SLC38A12: variants seen among roughly 807,000 people sequenced by gnomAD.
SLC38A12 encodes the protein solute carrier family 38 member 12, also known as putative sodium-coupled neutral amino acid transporter 12.
the SLC38A12 span, among the ~76,000 whole-genome samples, chr17:74,833,017 C>CTTGT: frequency 1.4e-3 from 207 of 151,798 alleles, 1 homozygote; most frequent in South Asian, 6.6e-3. Flanking sequence ...ATATCCGTGG[C>CTTGT]TTGTTTGTTT....
the SLC38A12 span, among the ~76,000 whole-genome samples, chr17:74,799,236 A>G: frequency 6.6e-5 from 10 of 152,374 alleles, no homozygotes; most frequent in Middle Eastern, 3.4e-3. Context: ...AGCAAGCGGC[A>G]TCTACCGCTC....
chr17:74,790,172 C>T, the SLC38A12 span: 4 of 1,583,210 alleles, frequency 2.5e-6, no homozygotes, highest in South Asian at 1.1e-5. Context: ...TTTCCTCCCT[C>T]CTCCTCGTCC....
the SLC38A12 span, among the ~76,000 whole-genome samples, chr17:74,831,677 G>A: frequency 3.3e-5 from 5 of 152,232 alleles, no homozygotes; most frequent in African/African-American, 4.8e-5. Context: ...CCTGTGATAG[G>A]CTCTTGGGGA....
chr17:74,808,284 G>A, the SLC38A12 span, among the ~76,000 whole-genome samples: 1 of 152,270 alleles, frequency 6.6e-6, no homozygotes, highest in Non-Finnish European at 1.5e-5. Context: ...AAAGGAGACA[G>A]TTGAGTGCTC....
chr17:74,801,531 A>G, the SLC38A12 span, among the ~76,000 whole-genome samples: 3 of 151,940 alleles, frequency 2.0e-5, no homozygotes, highest in East Asian at 5.8e-4. Context: ...TGCATGTGCC[A>G]GGTCCTGTTT....
At chr17:74,812,365 G>C in the SLC38A12 span, among the ~76,000 whole-genome samples, 1 of 152,156 alleles carries the variant, frequency 6.6e-6, no homozygotes, top group African/African-American at 2.4e-5. Context: ...TGAATCCCCA[G>C]ATACTGTAAT....
the SLC38A12 span, among the ~76,000 whole-genome samples, chr17:74,783,833 C>T: frequency 1.4e-5 from 2 of 146,554 alleles, no homozygotes; most frequent in African/African-American, 2.6e-5. Flanking sequence ...CGGGTTCAAG[C>T]GATCCCCCTG....
chr17:74,826,862 G>A, the SLC38A12 span, among the ~76,000 whole-genome samples: 35 of 152,320 alleles, frequency 2.3e-4, no homozygotes, highest in Non-Finnish European at 4.6e-4. Flanking sequence ...AAAGATGCTG[G>A]CGGTGGTGGG....
chr17:74,803,247 G>A, the SLC38A12 span, among the ~76,000 whole-genome samples: 2 of 152,146 alleles, frequency 1.3e-5, no homozygotes, highest in African/African-American at 2.4e-5. Context: ...GGAGATATCC[G>A]TGTATTCATA....
chr17:74,824,575 C>T, the SLC38A12 span, among the ~76,000 whole-genome samples: 6 of 152,182 alleles, frequency 3.9e-5, no homozygotes, highest in South Asian at 2.1e-4. Flanking sequence ...TGGTGCGGGG[C>T]GCCCCATTTG....
At chr17:74,785,109 C>T in the SLC38A12 span, among the ~76,000 whole-genome samples, 3 of 152,258 alleles carry the variant, frequency 2.0e-5, no homozygotes, top group African/African-American at 7.2e-5. Context: ...CAGCATTATG[C>T]GCTCACCTTT....
the SLC38A12 span, among the ~76,000 whole-genome samples, chr17:74,798,667 C>G: frequency 1.3e-5 from 2 of 152,236 alleles, no homozygotes; most frequent in African/African-American, 4.8e-5. Flanking sequence ...CAGCGGTGAC[C>G]TCAGCCCTGT....
the SLC38A12 span, among the ~76,000 whole-genome samples, chr17:74,815,943 T>C: frequency 3.3e-5 from 5 of 152,162 alleles, no homozygotes; most frequent in African/African-American, 1.2e-4. Context: ...AGCCACGTCC[T>C]GTCCAGGAAA....
the SLC38A12 span, among the ~76,000 whole-genome samples, chr17:74,784,788 C>T: frequency 3.9e-3 from 587 of 151,496 alleles, 4 homozygotes; most frequent in African/African-American, 0.013. Flanking sequence ...GGTGGGCAAG[C>T]GGGGAGGGAA....
At chr17:74,793,763 C>T in the SLC38A12 span, among the ~76,000 whole-genome samples, 3 of 152,164 alleles carry the variant, frequency 2.0e-5, no homozygotes, top group African/African-American at 7.2e-5. Context: ...GGCCACTAAG[C>T]TTGGACGTCA....
chr17:74,826,847 C>T, the SLC38A12 span, among the ~76,000 whole-genome samples: 3 of 152,140 alleles, frequency 2.0e-5, no homozygotes, highest in African/African-American at 7.2e-5. Flanking sequence ...CCTTGAGGGG[C>T]CTTAAAAGAT....
At chr17:74,821,038 G>A in the SLC38A12 span, among the ~76,000 whole-genome samples, 1 of 152,226 alleles carries the variant, frequency 6.6e-6, no homozygotes, top group Non-Finnish European at 1.5e-5. Context: ...CCCTCTGGGA[G>A]CAGGCTGTAC....
chr17:74,792,804 T>TCAGAATTCAGCA, the SLC38A12 span, among the ~76,000 whole-genome samples: 1 of 152,234 alleles, frequency 6.6e-6, no homozygotes, highest in African/African-American at 2.4e-5. Context: ...CAGAGGGATT[T>TCAGAATTCAGCA]CAGAATTCAG....
the SLC38A12 span, among the ~76,000 whole-genome samples, chr17:74,809,997 G>T: frequency 6.6e-6 from 1 of 152,166 alleles, no homozygotes; most frequent in Admixed American, 6.5e-5. Context: ...CTCCTGCTGC[G>T]AGGATTTGGT....
Sources: gnomAD v4.1 joint callset for allele counts (sites outside exome capture counted in the v4.1 genomes callset) on GRCh38, gnomAD v4.1.1 for gene constraint, MANE v1.5 for transcripts, NCBI Gene and HGNC (gene_info 2026-07-23, HGNC 2026-07-21) for gene names.